Variants in PCDHGA6 observed in about 807,000 individuals in gnomAD.
The protein encoded by PCDHGA6 is protocadherin gamma-A6.
PCDHGA6 carries 41 observed loss-of-function variants against 60.6 expected under a neutral mutation model. That is an observed-to-expected ratio of 0.68 (90% confidence interval 0.53 to 0.88). The LOEUF (loss-of-function observed/expected upper bound fraction) is 0.88. Ranked by LOEUF, PCDHGA6 falls within the 40% of genes least tolerant of loss-of-function variation. The probability of loss-of-function intolerance (pLI) is 0.00; values close to 1 mark genes in which losing one functional copy is unlikely to be tolerated. For synonymous variants in PCDHGA6, 594 were observed against 524.4 expected (o/e 1.13, Z -1.81); for missense variants, 1,312 against 1,203.0 (o/e 1.09, Z -1.34).
chr5:141,482,503 C>A (rs375429072), intron 1 of PCDHGA6, among the ~76,000 whole-genome samples: 2 of 136,154 alleles, frequency 1.5e-5, no homozygotes, highest in South Asian at 4.4e-4. Context: ...CATTCTGGTA[C>A]CCAGAGTACA....
chr5:141,474,516 T>G (rs999585038), intron 1 of PCDHGA6, among the ~76,000 whole-genome samples: 1 of 152,240 alleles, frequency 6.6e-6, no homozygotes, highest in Non-Finnish European at 1.5e-5. Context: ...GCCCTCTTGC[T>G]GGTCTGGCTA....
In PCDHGA6 at chr5:141,405,080, A is replaced by T. The variant is rs1382053021; in HGVS notation, c.2424+28573A>T. 2.5e-6 allele frequency: 4 copies of T among 1,613,560 alleles called. No individual in the cohort carries two copies. In the East Asian group the frequency reaches 6.7e-5, roughly 27 times the overall value. On this transcript the variant is annotated intron_variant, in intron 1 of 3. Coordinates refer to ENST00000517434, the MANE Select transcript of PCDHGA6 (RefSeq NM_018919.3). ...CTGTGTCTTCCTCACCTTCGTTATC[A>T]CGCTGCTGGCCCTCAGGCTGAGGCA...
At chr5:141,459,035 AC>A (rs1337856322) in intron 1 of PCDHGA6, among the ~76,000 whole-genome samples, 1 of 152,218 alleles carries the variant, frequency 6.6e-6, no homozygotes, top group Non-Finnish European at 1.5e-5. Flanking sequence ...ATCCAGCCTT[AC>A]CAGCTATATT....
chr5:141,443,172 C>T (rs1454734622), intron 1 of PCDHGA6, among the ~76,000 whole-genome samples: 1 of 152,176 alleles, frequency 6.6e-6, no homozygotes, highest in Non-Finnish European at 1.5e-5. Flanking sequence ...CTACCCATGT[C>T]CACTGCATCA....
intron 1 of PCDHGA6, chr5:141,384,840 G>C: frequency 6.2e-7 from 1 of 1,613,610 alleles, no homozygotes; most frequent in African/African-American, 1.3e-5. Flanking sequence ...TGGCCGTCCA[G>C]GACCACGGTC....
chr5:141,460,172 G>T (rs545017378), intron 1 of PCDHGA6, among the ~76,000 whole-genome samples: 1 of 151,852 alleles, frequency 6.6e-6, no homozygotes, highest in South Asian at 2.1e-4. Flanking sequence ...ATATTTTGTG[G>T]ATATTTTATC....
Position 141,431,374 on chromosome 5 carries a change from GGCT to G in PCDHGA6, c.2424+54871_2424+54873del, listed in dbSNP as rs752583215. The G allele has an allele frequency of 1.7e-4, 275 of 1,613,980 alleles. No individual in the cohort carries two copies. Among genetic ancestry groups the G allele is most frequent in the Non-Finnish European group, 2.0e-4 (238 of 1,180,036 alleles). On this transcript the variant is annotated intron_variant, in intron 1 of 3. Coordinates refer to ENST00000517434, the MANE Select transcript of PCDHGA6 (RefSeq NM_018919.3). This position sits in a 1 kb window ranked among gnomAD's most constrained non-coding sequence, Gnocchi z 4.8. Reference sequence around the variant, plus strand: ...AACGCGCCCTGGACCGCGAAGAAAAGGCTGCTCACCACCTGGTCCTTACGGCCT... The same window carrying G: ...AACGCGCCCTGGACCGCGAAGAAAAGGCTCACCACCTGGTCCTTACGGCCT...
chr5:141,377,025 A>T (rs1378221523), intron 1 of PCDHGA6: 1 of 154,760 alleles, frequency 6.5e-6, no homozygotes, highest in Non-Finnish European at 1.4e-5. Context: ...AAAATTCAAG[A>T]TTGTCTTTGA....
chr5:141,509,900 C>T (rs2099878860), intron 3 of PCDHGA6, among the ~76,000 whole-genome samples: 1 of 152,186 alleles, frequency 6.6e-6, no homozygotes, highest in Admixed American at 6.5e-5. Context: ...CTGTCCCTTC[C>T]AGCATGCGCT....
intron 1 of PCDHGA6, among the ~76,000 whole-genome samples, chr5:141,481,863 G>A (rs182704348): frequency 8.8e-4 from 130 of 147,602 alleles, no homozygotes; most frequent in African/African-American, 3.3e-3. Flanking sequence ...GCAGTGAGCC[G>A]AGATCGCGCC....
At chr5:141,502,866 C>CTTTTTTTTTTTTTTTT (rs549047197) in intron 2 of PCDHGA6, among the ~76,000 whole-genome samples, 4 of 128,044 alleles carry the variant, frequency 3.1e-5, no homozygotes, top group African/African-American at 3.1e-5. Context: ...GACTCTCTGT[C>CTTTTTTTTTTTTTTTT]TTTTTTTTTT....
intron 1 of PCDHGA6, chr5:141,408,083 C>G (rs1045548793): frequency 3.5e-6 from 5 of 1,414,460 alleles, no homozygotes; most frequent in Non-Finnish European, 4.7e-6. Context: ...CCCAGCACAG[C>G]GGATTGCCAG....
chr5:141,384,787 C>A, intron 1 of PCDHGA6: 2 of 1,613,552 alleles, frequency 1.2e-6, no homozygotes, highest in Admixed American at 3.3e-5. Flanking sequence ...GCGCACGGCT[C>A]GGGCCCTGCT....
intron 1 of PCDHGA6, chr5:141,423,313 G>T (rs1407028245): frequency 1.2e-6 from 2 of 1,614,184 alleles, no homozygotes; most frequent in Non-Finnish European, 1.7e-6. Context: ...GTACTTGGTG[G>T]TGGCGGTGGC....
chr5:141,478,870 GT>G, intron 1 of PCDHGA6: 1 of 1,273,360 alleles, frequency 7.9e-7, no homozygotes, highest in Non-Finnish European at 1.0e-6. Context: ...AGCGATCAGA[GT>G]TTAGCTTGGT....
intron 1 of PCDHGA6, chr5:141,394,163 T>C (rs1207627975): frequency 3.7e-6 from 6 of 1,613,782 alleles, no homozygotes; most frequent in Non-Finnish European, 5.1e-6. Flanking sequence ...ACAACCCTCC[T>C]ACTTTCCCTC....
chr5:141,432,793 C>T lies in PCDHGA6; in HGVS notation c.2424+56286C>T. 6.2e-7 allele frequency: 1 copy of T among 1,614,150 alleles called. No individual in the cohort carries two copies. Among genetic ancestry groups the T allele is most frequent in the Admixed American group, 1.7e-5 (1 of 60,032 alleles). ...AAGTCCTGGCGGACCTCGGCAGCCT[C>T]GAGTCTCCAGCTAACTCTGAAACCT... On this transcript the variant is annotated intron_variant, in intron 1 of 3. Transcript: ENST00000517434. The surrounding 1 kb of genome is among the most constrained non-coding windows in gnomAD (Gnocchi z 6.0).
intron 1 of PCDHGA6, chr5:141,404,899 T>C (rs768489392): frequency 6.2e-7 from 1 of 1,613,718 alleles, no homozygotes; most frequent in East Asian, 2.2e-5. Flanking sequence ...TACAGGACCA[T>C]GGCCAGCCCC....
At chr5:141,505,298 T>TA in intron 2 of PCDHGA6, 95 bp from the exon 3 acceptor site, 1 of 1,586,334 alleles carries the variant, frequency 6.3e-7, no homozygotes, top group Non-Finnish European at 8.6e-7. Context: ...GGGGTAGGGT[T>TA]AGGGTACTAG....
Sources: gnomAD v4.1 joint callset for allele counts (sites outside exome capture counted in the v4.1 genomes callset) on GRCh38, gnomAD v4.1.1 for gene constraint, Gnocchi (gnomAD v3.1) non-coding constraint, MANE v1.5 for transcripts, NCBI Gene and HGNC (gene_info 2026-07-23, HGNC 2026-07-21) for gene names.